The following SPAST variants were observed in gnomAD, a reference collection of about 807,000 sequenced individuals.
SPAST encodes spastin.
SPAST carries 30 observed loss-of-function variants against 76.6 expected under a neutral mutation model. That is an observed-to-expected ratio of 0.39 (90% CI 0.29 to 0.53). SPAST has a LOEUF of 0.53. Among genes scored for constraint, SPAST ranks in the 20% least tolerant of loss-of-function variants. The pLI, the probability that SPAST is intolerant of heterozygous loss-of-function variation, is 0.68. For synonymous variants in SPAST, 305 were observed against 281.0 expected, an observed-to-expected ratio of 1.09 and a Z score of -0.86; for missense variants, 717 against 770.5, an observed-to-expected ratio of 0.93 and a Z score of 0.82.
intron 4 of SPAST, among the ~76,000 whole-genome samples, chr2:32,111,980 T>C (rs146724436): frequency 8.4e-5 from 12 of 142,904 alleles, no homozygotes; most frequent in African/African-American, 3.3e-4. Flanking sequence ...TTAGTAGTAG[T>C]AGTAGTAGTA....
chr2:32,077,320 TG>T (rs1677004802), intron 1 of SPAST, among the ~76,000 whole-genome samples: 2 of 152,312 alleles, frequency 1.3e-5, no homozygotes, highest in South Asian at 4.1e-4. Context: ...GTAAAACTGG[TG>T]GGCTTTATAT....
intron 9 of SPAST, among the ~76,000 whole-genome samples, chr2:32,132,840 T>C (rs1679415275): frequency 6.6e-6 from 1 of 152,124 alleles, no homozygotes; most frequent in Admixed American, 6.6e-5. Flanking sequence ...GTTTCTCTAC[T>C]AAATACAAAT....
At chr2:32,148,204 G>A (rs1679959013) in intron 16 of SPAST, among the ~76,000 whole-genome samples, 2 of 151,898 alleles carry the variant, frequency 1.3e-5, no homozygotes, top group South Asian at 4.2e-4. Flanking sequence ...GAGTGCTTGG[G>A]ACTAATTTTT....
At chr2:32,088,431 G>A (rs1469401577) in intron 2 of SPAST, among the ~76,000 whole-genome samples, 1 of 152,148 alleles carries the variant, frequency 6.6e-6, no homozygotes, top group Non-Finnish European at 1.5e-5. Context: ...AATCACCTGG[G>A]ATCAGGAGTT....
At chr2:32,069,757 C>T (rs1439169168) in intron 1 of SPAST, among the ~76,000 whole-genome samples, 1 of 151,918 alleles carries the variant, frequency 6.6e-6, no homozygotes. Context: ...GACGGGGTTT[C>T]ACCGTGTTAG....
intron 7 of SPAST, among the ~76,000 whole-genome samples, chr2:32,120,528 A>G (rs1205644188): frequency 6.8e-6 from 1 of 145,996 alleles, no homozygotes; most frequent in East Asian, 2.0e-4. Flanking sequence ...TTTCAGTCTA[A>G]TTTCCACATG....
At chr2:32,132,615 A>G (rs956293170) in intron 9 of SPAST, among the ~76,000 whole-genome samples, 1 of 151,626 alleles carries the variant, frequency 6.6e-6, no homozygotes, top group African/African-American at 2.4e-5. Flanking sequence ...AATAGTTACT[A>G]TTTTAGTTGT....
At chr2:32,121,640 G>A (rs986166441) in intron 7 of SPAST, among the ~76,000 whole-genome samples, 1 of 144,786 alleles carries the variant, frequency 6.9e-6, no homozygotes, top group Non-Finnish European at 1.5e-5. Context: ...TCCTGGGTTC[G>A]AGTGATTCTC....
chr2:32,095,520 C>T (rs1265417027), intron 3 of SPAST, among the ~76,000 whole-genome samples: 2 of 151,370 alleles, frequency 1.3e-5, no homozygotes, highest in Non-Finnish European at 2.9e-5. Flanking sequence ...TTGCTTGAGT[C>T]CAGGAGTTTG....
At chr2:32,081,784 A>AAAAAAAAAAC (rs1677234638) in intron 1 of SPAST, among the ~76,000 whole-genome samples, 1 of 144,632 alleles carries the variant, frequency 6.9e-6, no homozygotes, top group Admixed American at 7.0e-5. Context: ...ACACTGTCAA[A>AAAAAAAAAAC]AAAAAAAAAA....
chr2:32,115,743 T>C lies in SPAST; in HGVS notation c.912T>C (p.Pro304=), dbSNP rs780774233. 6.2e-7 allele frequency: 1 copy of C among 1,611,510 alleles called. No individual in the cohort carries two copies. The highest frequency in any genetic ancestry group is 2.2e-5 in the East Asian group (1 of 44,706). ...KTNRTNKPST[P]TTATRKKKDL... ...ATAGGACAAATAAACCTTCTACCCC[T>C]ACAACTGCTACTCGTAAGAAAAAAG... is the stretch of plus-strand genomic sequence containing the variant. Residue 304 remains proline (P), a synonymous_variant, in exon 6 of 17, where the codon CCT becomes CCC. Transcript: ENST00000315285.
chr2:32,145,158 CAT>C, intron 15 of SPAST, 151 bp downstream of exon 15: 1 of 616,306 alleles, frequency 1.6e-6, no homozygotes, highest in Admixed American at 2.7e-5. Context: ...GTGGCACAAT[CAT>C]AGTTCACTGC....
intron 9 of SPAST, among the ~76,000 whole-genome samples, chr2:32,133,397 C>G (rs762465296): frequency 3.3e-5 from 5 of 152,196 alleles, no homozygotes; most frequent in Non-Finnish European, 5.9e-5. Flanking sequence ...AGGCACTCCA[C>G]CATCTTTATC....
At chr2:32,133,592 TAC>T (rs1169094032) in intron 9 of SPAST, among the ~76,000 whole-genome samples, 2 of 152,310 alleles carry the variant, frequency 1.3e-5, no homozygotes, top group South Asian at 2.1e-4. Flanking sequence ...TGTGCTTTTT[TAC>T]ACAGATTTAA....
At chr2:32,131,264 A>G (rs924636245) in intron 9 of SPAST, among the ~76,000 whole-genome samples, 11 of 152,164 alleles carry the variant, frequency 7.2e-5, no homozygotes, top group African/African-American at 2.4e-4. Context: ...AAATGTTACA[A>G]CCTTCCCTGA....
chr2:32,143,369 A>C lies in SPAST; in HGVS notation c.1570A>C (p.Lys524Gln). The C allele has an allele frequency of 6.2e-7, 1 of 1,608,992 alleles. No individual in the cohort carries two copies. Among genetic ancestry groups the C allele is most frequent in the Non-Finnish European group, 8.5e-7 (1 of 1,175,850 alleles). Residue 524 changes from lysine to glutamine, a missense_variant, in exon 14 of 17, where the codon AAA becomes CAA. Lys to Gln is a moderately conservative substitution (Grantham distance 53, BLOSUM62 1). Around this residue, in one of 3 missense-constraint regions of SPAST, gnomAD observed 96 missense variants for 127.6 expected, o/e 0.75. Coordinates refer to ENST00000315285, the MANE Select transcript of SPAST (RefSeq NM_014946.4). ...RLLLLKNLLC[K>Q]QGSPLTQKEL... ...ACTTTTGCTTAAAAATCTGTTATGTAAACAAGGAAGTCCATTGACCCAAAA... is the reference window on the plus strand; with the variant it reads ...ACTTTTGCTTAAAAATCTGTTATGTCAACAAGGAAGTCCATTGACCCAAAA...
chr2:32,113,560 C>CTTTT (rs10534612), intron 4 of SPAST, among the ~76,000 whole-genome samples: 16 of 90,906 alleles, frequency 1.8e-4, no homozygotes, highest in Admixed American at 2.9e-4. Context: ...TGCTTCATAA[C>CTTTT]TTTTTTTTTT....
chr2:32,131,438 A>G (rs1238691662), intron 9 of SPAST, among the ~76,000 whole-genome samples: 1 of 152,152 alleles, frequency 6.6e-6, no homozygotes, highest in Non-Finnish European at 1.5e-5. Context: ...AGAGACTATC[A>G]CCATGTGTTC....
chr2:32,065,479 C>T (rs1258102822), intron 1 of SPAST, among the ~76,000 whole-genome samples: 1 of 152,142 alleles, frequency 6.6e-6, no homozygotes, highest in Non-Finnish European at 1.5e-5. Flanking sequence ...TTGGTATCAG[C>T]ATTTTAGAGA....
Sources: gnomAD v4.1 joint callset for allele counts (sites outside exome capture counted in the v4.1 genomes callset) on GRCh38, gnomAD v4.1.1 for gene constraint, gnomAD v4.1.1 regional missense constraint, MANE v1.5 for transcripts, NCBI Gene and HGNC (gene_info 2026-07-23, HGNC 2026-07-21) for gene names.